Variants in PCDH15 observed in about 807,000 individuals in gnomAD.
The protein encoded by PCDH15 is protocadherin-15.
Under a neutral mutation model 178.5 loss-of-function variants are expected in PCDH15, and 129 were observed. That is an observed-to-expected ratio of 0.72 (90% CI 0.63 to 0.84). PCDH15 has a LOEUF of 0.84. PCDH15 is among the 40% of genes least tolerant of loss of function. PCDH15 has a pLI of 0.00. For synonymous variants in PCDH15, 800 were observed against 732.0 expected, an observed-to-expected ratio of 1.09 and a Z score of -1.50; for missense variants, 2,230 against 2,099.9, an observed-to-expected ratio of 1.06 and a Z score of -1.21.
At chr10:54,206,752 CAAAG>C (rs2134032665) in intron 10 of PCDH15, among the ~76,000 whole-genome samples, 1 of 152,016 alleles carries the variant, frequency 6.6e-6, no homozygotes, top group South Asian at 2.1e-4. Context: ...CAAAAAATAA[CAAAG>C]AGTTTTAGCC....
chr10:54,025,286 T>C (rs1448028890), intron 18 of PCDH15, among the ~76,000 whole-genome samples: 3 of 152,270 alleles, frequency 2.0e-5, no homozygotes, highest in East Asian at 1.9e-4. Flanking sequence ...TAAAGCTCTA[T>C]AGGTCAAAAA....
At position 54,873,797 on chromosome 10, in the gene PCDH15, G is replaced by A. The variant is rs544259924; in HGVS notation, c.-29+23653C>T. On this transcript the variant is annotated intron_variant, in intron 3 of 5. Coordinates refer to the PCDH15 transcript ENST00000458638. Reference sequence around the variant, plus strand: ...GTTGTGTGTGTGTGTATATATATATGTTGGCTCTACTGATATAAGAAAAAT... The same window carrying A: ...GTTGTGTGTGTGTGTATATATATATATTGGCTCTACTGATATAAGAAAAAT... Among the ~76,000 whole-genome samples, 15 of 147,226 alleles carry A rather than the reference G, an allele frequency of 1.0e-4. No homozygotes were observed. In the East Asian group the frequency reaches 3.0e-3, roughly 29 times the overall value.
intron 2 of PCDH15, among the ~76,000 whole-genome samples, chr10:55,012,394 T>C (rs1219906871): frequency 3.3e-5 from 5 of 152,144 alleles, no homozygotes; most frequent in Non-Finnish European, 7.4e-5. Context: ...AGATCTGTTT[T>C]GCCAGGTTTT....
chr10:55,167,557 T>C (rs1034881162), intron 1 of PCDH15, among the ~76,000 whole-genome samples: 3 of 152,188 alleles, frequency 2.0e-5, no homozygotes, highest in African/African-American at 4.8e-5. Context: ...TAATATAAAA[T>C]TGAAGTTATA....
chr10:53,980,084 C>A (rs1332701973), intron 21 of PCDH15, among the ~76,000 whole-genome samples: 1 of 148,976 alleles, frequency 6.7e-6, no homozygotes. Flanking sequence ...AGTCTGGCAT[C>A]GTGGCGGGCA....
At chr10:54,317,824 G>GA (rs34865951) in intron 7 of PCDH15, among the ~76,000 whole-genome samples, 1,930 of 148,024 alleles carry the variant, frequency 0.013, 36 homozygotes, top group African/African-American at 0.042. Flanking sequence ...AGTTTTCATT[G>GA]AAAAAAAAAA....
At chr10:54,160,910 T>C (rs1462067594) in intron 13 of PCDH15, among the ~76,000 whole-genome samples, 1 of 152,150 alleles carries the variant, frequency 6.6e-6, no homozygotes, top group Non-Finnish European at 1.5e-5. Flanking sequence ...TCAGAGAGGA[T>C]GTAGTGGGTG....
At chr10:54,704,936 C>T (rs2095350817) in intron 1 of PCDH15, among the ~76,000 whole-genome samples, 1 of 152,120 alleles carries the variant, frequency 6.6e-6, no homozygotes, top group Admixed American at 6.6e-5. Flanking sequence ...AAATGCCCAT[C>T]AGTAGTGGAC....
intron 25 of PCDH15, chr10:53,906,932 C>T (rs981840122): frequency 6.6e-6 from 1 of 151,902 alleles, no homozygotes; most frequent in Non-Finnish European, 1.5e-5. Flanking sequence ...GGAGAAGTCA[C>T]CAGATTATCC....
intron 2 of PCDH15, among the ~76,000 whole-genome samples, chr10:54,995,227 T>C (rs1330664156): frequency 6.6e-6 from 1 of 151,760 alleles, no homozygotes; most frequent in African/African-American, 2.4e-5. Context: ...ATACCAAAAA[T>C]TAGCCAAGTG....
intron 1 of PCDH15, among the ~76,000 whole-genome samples, chr10:54,791,895 G>A (rs1327701654): frequency 1.3e-5 from 2 of 151,830 alleles, no homozygotes; most frequent in African/African-American, 4.8e-5. Context: ...AGCAGGGAGA[G>A]TAGCACCTTT....
intron 21 of PCDH15, among the ~76,000 whole-genome samples, chr10:53,994,152 G>A (rs966810709): frequency 6.6e-6 from 1 of 152,148 alleles, no homozygotes; most frequent in African/African-American, 2.4e-5. Context: ...GCACCTTGGT[G>A]GATGCGCTCT....
At chr10:54,034,913 T>C (rs2093381127) in intron 18 of PCDH15, among the ~76,000 whole-genome samples, 2 of 151,888 alleles carry the variant, frequency 1.3e-5, no homozygotes, top group Non-Finnish European at 2.9e-5. Flanking sequence ...TACAGATATA[T>C]AAAAGGGCCA....
intron 25 of PCDH15, among the ~76,000 whole-genome samples, chr10:53,913,913 A>T (rs1172869242): frequency 6.6e-6 from 1 of 152,208 alleles, no homozygotes. Flanking sequence ...AAACAAACTT[A>T]CCAGAAAAAA....
At position 55,210,850 on chromosome 10, in the gene PCDH15, T is replaced by C. The variant is rs147538320; in HGVS notation, c.-155-44199A>G. Among the ~76,000 whole-genome samples the C allele has an allele frequency of 5.9e-3, 896 of 151,746 alleles. 16 individuals are homozygous for C. Among genetic ancestry groups the C allele is most frequent in the African/African-American group, 0.021 (857 of 41,300 alleles). On this transcript the variant is annotated intron_variant, in intron 1 of 5. Transcript: ENST00000458638. The stretch of plus-strand genomic sequence containing the variant: ...CACCATGTTGGCCGGATGGTCTTGA[T>C]CTCTTTACCTCGTGATACGCCCGCC...
intron 1 of PCDH15, among the ~76,000 whole-genome samples, chr10:54,767,154 T>G (rs370904589): frequency 1.6e-4 from 24 of 152,264 alleles, no homozygotes; most frequent in East Asian, 9.7e-4. Context: ...ACGTAACTGT[T>G]TGGCTCAAAA....
At chr10:55,464,589 C>A (rs939275865) in intron 2 of PCDH15, among the ~76,000 whole-genome samples, 2 of 149,518 alleles carry the variant, frequency 1.3e-5, no homozygotes, top group African/African-American at 2.4e-5. Context: ...TTAGTTCAAA[C>A]ACTGTAAAAA....
intron 2 of PCDH15, among the ~76,000 whole-genome samples, chr10:55,041,952 A>AT (rs1840872870): frequency 1.3e-5 from 2 of 152,062 alleles, no homozygotes. Context: ...TTAACTGAAC[A>AT]TTTTTTACTA....
intron 2 of PCDH15, among the ~76,000 whole-genome samples, chr10:55,355,755 T>C (rs1444994167): frequency 6.6e-6 from 1 of 151,976 alleles, no homozygotes; most frequent in East Asian, 1.9e-4. Flanking sequence ...TTAAAAATGT[T>C]GATTACTGGT....
Sources: gnomAD v4.1 joint callset for allele counts (sites outside exome capture counted in the v4.1 genomes callset) on GRCh38, gnomAD v4.1.1 for gene constraint, MANE v1.5 for transcripts, NCBI Gene and HGNC (gene_info 2026-07-23, HGNC 2026-07-21) for gene names.